The following SPATA17 variants were observed in gnomAD, a reference collection of about 807,000 sequenced individuals.
The protein encoded by SPATA17 is spermatogenesis-associated protein 17.
SPATA17 carries 53 observed loss-of-function variants against 62.2 expected under a neutral mutation model. The observed-to-expected ratio is 0.85, with a 90% CI of 0.68 to 1.07. The LOEUF (loss-of-function observed/expected upper bound fraction) is 1.07. Ranked by LOEUF, SPATA17 falls within the 50% of genes least tolerant of loss-of-function variation. SPATA17 has a pLI of 0.00. For missense variants in SPATA17, 466 were observed against 425.5 expected (o/e 1.10, Z -0.84); for synonymous variants, 146 against 146.8 (o/e 0.99, Z 0.04).
chr1:217,746,411 T>A (rs1483493764), intron 6 of SPATA17, among the ~76,000 whole-genome samples: 1 of 151,580 alleles, frequency 6.6e-6, no homozygotes, highest in African/African-American at 2.4e-5. Flanking sequence ...TATAGAATAG[T>A]AATTTTTACA....
intron 5 of SPATA17, among the ~76,000 whole-genome samples, chr1:217,729,116 T>C (rs960127198): frequency 1.3e-5 from 2 of 152,200 alleles, no homozygotes; most frequent in African/African-American, 4.8e-5. Flanking sequence ...CGGAGTGTCA[T>C]TGCCACCACG....
At chr1:217,710,400 A>G (rs2102926041) in intron 5 of SPATA17, among the ~76,000 whole-genome samples, 1 of 152,304 alleles carries the variant, frequency 6.6e-6, no homozygotes, top group South Asian at 2.1e-4. Flanking sequence ...GACTTTAAAA[A>G]AAAACAACTC....
intron 5 of SPATA17, among the ~76,000 whole-genome samples, chr1:217,725,990 T>C (rs2102937611): frequency 6.6e-6 from 1 of 152,340 alleles, no homozygotes. Flanking sequence ...ATGATATATT[T>C]TCTTTCATTG....
At chr1:217,737,611 G>A (rs1443363987) in intron 5 of SPATA17, among the ~76,000 whole-genome samples, 1 of 152,044 alleles carries the variant, frequency 6.6e-6, no homozygotes, top group Non-Finnish European at 1.5e-5. Context: ...AATCCAGGCT[G>A]GGGGCAGGAT....
chr1:217,864,485 A>T (rs1003387241), intron 10 of SPATA17, among the ~76,000 whole-genome samples: 15 of 152,150 alleles, frequency 9.9e-5, no homozygotes, highest in Non-Finnish European at 4.4e-5. Flanking sequence ...AAATATATAC[A>T]TATGTATGTG....
chr1:217,856,549 T>C (rs1471486522), intron 9 of SPATA17, among the ~76,000 whole-genome samples: 1 of 152,206 alleles, frequency 6.6e-6, no homozygotes, highest in African/African-American at 2.4e-5. Context: ...AGGAACTTCG[T>C]TTCCTGTTTA....
intron 9 of SPATA17, among the ~76,000 whole-genome samples, chr1:217,841,989 G>T (rs1050115114): frequency 6.6e-6 from 1 of 151,416 alleles, no homozygotes; most frequent in Non-Finnish European, 1.5e-5. Flanking sequence ...TGTTAAAGAT[G>T]GTTCCTATGT....
At chr1:217,751,039 C>A (rs1054999033) in intron 6 of SPATA17, among the ~76,000 whole-genome samples, 19 of 152,182 alleles carry the variant, frequency 1.2e-4, no homozygotes, top group Non-Finnish European at 2.5e-4. Flanking sequence ...GACTGTCCAG[C>A]CATCCTTCTT....
intron 6 of SPATA17, among the ~76,000 whole-genome samples, chr1:217,748,640 A>T (rs1001143737): frequency 2.7e-5 from 4 of 149,232 alleles, no homozygotes; most frequent in Non-Finnish European, 4.4e-5. Context: ...ATCTACTCGG[A>T]GGCTGAGGCA....
intron 5 of SPATA17, among the ~76,000 whole-genome samples, chr1:217,725,909 T>TTAA (rs1558581138): frequency 1.3e-5 from 2 of 152,248 alleles, no homozygotes; most frequent in African/African-American, 4.8e-5. Context: ...TATGATTGTC[T>TTAA]TAATATAGGC....
intron 9 of SPATA17, chr1:217,850,776 T>C (rs2103011443): frequency 1.7e-6 from 1 of 577,328 alleles, no homozygotes. Flanking sequence ...TTTATGTATA[T>C]TTGAATGTGG....
intron 9 of SPATA17, among the ~76,000 whole-genome samples, chr1:217,861,806 C>A (rs2103016471): frequency 6.6e-6 from 1 of 152,258 alleles, no homozygotes; most frequent in African/African-American, 2.4e-5. Flanking sequence ...ACCCACCATC[C>A]TTCATGTCAC....
At chr1:217,795,031 C>T (rs1346818895) in intron 8 of SPATA17, among the ~76,000 whole-genome samples, 1 of 152,116 alleles carries the variant, frequency 6.6e-6, no homozygotes, top group East Asian at 1.9e-4. Context: ...CAGTAATAGG[C>T]TTGTATTTTC....
intron 9 of SPATA17, among the ~76,000 whole-genome samples, chr1:217,811,251 C>G (rs1034710471): frequency 2.0e-5 from 3 of 152,086 alleles, no homozygotes; most frequent in African/African-American, 7.2e-5. Context: ...CCAGGCTGGT[C>G]TCGAACTCCT....
chr1:217,788,625 CTT>C (rs892428641), intron 8 of SPATA17, among the ~76,000 whole-genome samples: 6 of 151,994 alleles, frequency 3.9e-5, no homozygotes, highest in Non-Finnish European at 8.8e-5. Flanking sequence ...TTCAATTTAC[CTT>C]TCCTAGCTTT....
chr1:217,859,173 T>C (rs1239439619), intron 9 of SPATA17, among the ~76,000 whole-genome samples: 1 of 146,530 alleles, frequency 6.8e-6, no homozygotes, highest in Non-Finnish European at 1.5e-5. Flanking sequence ...TAAAATTTTA[T>C]ATAATATAAA....
At chr1:217,670,333 C>A (rs1670804984) in intron 4 of SPATA17, among the ~76,000 whole-genome samples, 1 of 152,108 alleles carries the variant, frequency 6.6e-6, no homozygotes. Context: ...GAAGGAGATC[C>A]TCCCTCCCTT....
chr1:217,635,990 G>T (rs1490544601), intron 1 of SPATA17, among the ~76,000 whole-genome samples: 1 of 151,210 alleles, frequency 6.6e-6, no homozygotes, highest in East Asian at 2.0e-4. Flanking sequence ...AAAATTAGCT[G>T]CATGGGGTGG....
intron 3 of SPATA17, among the ~76,000 whole-genome samples, chr1:217,658,838 C>T (rs1670502232): frequency 6.6e-6 from 1 of 152,038 alleles, no homozygotes; most frequent in African/African-American, 2.4e-5. Context: ...GCAAAATAGA[C>T]CCACATAAAA....
Sources: allele counts gnomAD v4.1 joint callset (sites outside exome capture counted in the v4.1 genomes callset), GRCh38; gene constraint gnomAD v4.1.1; transcripts MANE v1.5; gene names NCBI Gene and HGNC (gene_info 2026-07-23, HGNC 2026-07-21).